RBFOX1: variants seen among roughly 807,000 people sequenced by gnomAD.
RBFOX1 encodes RNA binding protein fox-1 homolog 1.
A neutral mutation model predicts 57.7 loss-of-function variants in RBFOX1; 8 were observed. The observed-to-expected ratio is 0.14, with a 90% CI of 0.08 to 0.25. The LOEUF is 0.25. Among genes scored for constraint, RBFOX1 ranks in the 10% least tolerant of loss-of-function variants. RBFOX1 has a pLI of 1.00. For missense variants in RBFOX1, 611 were observed against 548.5 expected, an observed-to-expected ratio of 1.11 and a Z score of -1.14; for synonymous variants, 326 against 222.4, an observed-to-expected ratio of 1.47 and a Z score of -4.15.
At chr16:5,252,261 T>G (rs1168248005) in intron 1 of RBFOX1, among the ~76,000 whole-genome samples, 2 of 152,200 alleles carry the variant, frequency 1.3e-5, no homozygotes, top group Non-Finnish European at 2.9e-5. Flanking sequence ...AGCTCTAGGT[T>G]GTATTTATGC....
intron 5 of RBFOX1, among the ~76,000 whole-genome samples, chr16:7,538,444 A>ATTTATTACTTTTATTACTATTTATACTAT (rs2082071901): frequency 6.6e-6 from 1 of 152,084 alleles, no homozygotes. Context: ...TATTACTATT[A>ATTTATTACTTTTATTACTATTTATACTAT]TAGTGTTGCT....
At chr16:6,027,063 C>T (rs758650540) in intron 1 of RBFOX1, among the ~76,000 whole-genome samples, 11 of 152,154 alleles carry the variant, frequency 7.2e-5, no homozygotes, top group Non-Finnish European at 1.0e-4. Flanking sequence ...CTGCATTTCC[C>T]CAAGATGTTG....
intron 2 of RBFOX1, among the ~76,000 whole-genome samples, chr16:6,368,485 G>C (rs2534747): frequency 0.032 from 4,904 of 152,246 alleles, 264 homozygotes; most frequent in African/African-American, 0.11. Context: ...GACCTTTCCA[G>C]TTCTCTGGGT....
In RBFOX1 at chr16:6,978,323, A is replaced by T. The variant is rs374318697; in HGVS notation, c.-15-73734A>T. ...CTATGCAAGAAATTGGGATTCTTTTATCCCGGTGCTCTATTTTGGGCTGGT... is the reference window on the plus strand; with the variant it reads ...CTATGCAAGAAATTGGGATTCTTTTTTCCCGGTGCTCTATTTTGGGCTGGT... On this transcript the variant is annotated intron_variant, in intron 3 of 15. Coordinates refer to ENST00000550418, the MANE Select transcript of RBFOX1 (RefSeq NM_018723.4). Among the ~76,000 whole-genome samples the T allele has an allele frequency of 6.4e-4, 98 of 152,316 alleles. 1 individual carries two copies. In the South Asian group the frequency reaches 0.019, roughly 29 times the overall value.
chr16:6,781,344 A>G (rs975782048), intron 3 of RBFOX1, among the ~76,000 whole-genome samples: 10 of 151,858 alleles, frequency 6.6e-5, no homozygotes, highest in African/African-American at 2.4e-4. Context: ...TTTGTTGAGG[A>G]TTTTTGCATT....
At chr16:5,976,527 C>G (rs1001373153) in intron 4 of RBFOX1, among the ~76,000 whole-genome samples, 4 of 152,128 alleles carry the variant, frequency 2.6e-5, no homozygotes, top group African/African-American at 4.8e-5. Flanking sequence ...CTTAGGAATT[C>G]TAAGGTATTC....
intron 3 of RBFOX1, among the ~76,000 whole-genome samples, chr16:6,819,944 C>G (rs555385081): frequency 2.0e-5 from 3 of 152,098 alleles, no homozygotes; most frequent in African/African-American, 7.2e-5. Context: ...GTGATGTCAT[C>G]TGGTATTTTC....
At chr16:7,394,556 C>G (rs2098110191) in intron 4 of RBFOX1, among the ~76,000 whole-genome samples, 1 of 152,154 alleles carries the variant, frequency 6.6e-6, no homozygotes, top group Non-Finnish European at 1.5e-5. Flanking sequence ...TCTTGCGTTT[C>G]CATTTATCCA....
chr16:7,194,451 C>G (rs1452666834), intron 4 of RBFOX1, among the ~76,000 whole-genome samples: 1 of 152,162 alleles, frequency 6.6e-6, no homozygotes, highest in Non-Finnish European at 1.5e-5. Flanking sequence ...CGTCTAGTGA[C>G]TTTGGCAGTG....
chr16:5,955,347 AAAATAAATAAAAAT>A (rs2059611735), intron 4 of RBFOX1, among the ~76,000 whole-genome samples: 273 of 21,534 alleles, frequency 0.013, no homozygotes, highest in East Asian at 0.05. Context: ...AAAATAAAAT[AAAATAAATAAAAAT>A]AAAATAAAAT....
chr16:6,821,923 ACT>A (rs1406336219), intron 3 of RBFOX1, among the ~76,000 whole-genome samples: 7 of 152,052 alleles, frequency 4.6e-5, no homozygotes, highest in African/African-American at 1.2e-4. Context: ...CTTTGAGGAA[ACT>A]CTGTTTTTCA....
At chr16:6,643,815 G>C (rs1326029937) in intron 2 of RBFOX1, among the ~76,000 whole-genome samples, 2 of 125,400 alleles carry the variant, frequency 1.6e-5, no homozygotes, top group Non-Finnish European at 3.3e-5. Flanking sequence ...CAAAATCTGA[G>C]TCTTTGTGAA....
chr16:7,003,189 G>A (rs757060817), intron 3 of RBFOX1, among the ~76,000 whole-genome samples: 14 of 152,084 alleles, frequency 9.2e-5, no homozygotes, highest in Non-Finnish European at 1.5e-4. Flanking sequence ...GGCCAGGCAC[G>A]GTGGCTCACG....
Position 7,165,634 on chromosome 16 carries a change from G to C in RBFOX1, c.27+113536G>C, listed in dbSNP as rs571117753. ...AGTAGAGATGAAGTTTCTCCACGTT[G>C]GTCAGGCTGGTCTCAAACTCCCGAT... On this transcript the variant is annotated intron_variant, in intron 4 of 15. Coordinates refer to ENST00000550418, the MANE Select transcript of RBFOX1 (RefSeq NM_018723.4). 2.0e-5 allele frequency among the ~76,000 whole-genome samples: 3 copies of C among 151,752 alleles called. No homozygotes were observed. In the South Asian group the frequency reaches 6.3e-4, roughly 32 times the overall value.
rs75002863 is a variant in RBFOX1 at position 7,444,330 on chromosome 16, G to A, written c.28-73817G>A. The stretch of plus-strand genomic sequence containing the variant: ...CTAGGATTGTGTCAGAGTCATTGTC[G>A]TAAGATATACCTATTCAGAAGTTAG... On this transcript the variant is annotated intron_variant, in intron 4 of 15. Coordinates refer to ENST00000550418, the MANE Select transcript of RBFOX1 (RefSeq NM_018723.4). 4.1e-3 allele frequency among the ~76,000 whole-genome samples: 626 copies of A among 152,214 alleles called. 8 individuals are homozygous for A. Among genetic ancestry groups the A allele is most frequent in the African/African-American group, 0.014 (595 of 41,538 alleles).
chr16:6,702,379 C>G (rs977203138), intron 3 of RBFOX1, among the ~76,000 whole-genome samples: 1 of 152,132 alleles, frequency 6.6e-6, no homozygotes, highest in Non-Finnish European at 1.5e-5. Context: ...CATGGTGAAA[C>G]TCCATCTCTA....
intron 4 of RBFOX1, among the ~76,000 whole-genome samples, chr16:5,955,360 A>T (rs7498739): frequency 0.022 from 1,242 of 57,640 alleles, 63 homozygotes; most frequent in Admixed American, 0.037. Context: ...ATAAATAAAA[A>T]TAAAATAAAA....
intron 2 of RBFOX1, among the ~76,000 whole-genome samples, chr16:6,556,474 C>T (rs2097099671): frequency 6.6e-6 from 1 of 152,158 alleles, no homozygotes; most frequent in African/African-American, 2.4e-5. Context: ...AACATGTCGC[C>T]TCTGAGGTCT....
chr16:6,350,213 G>A (rs2086065647), intron 2 of RBFOX1, among the ~76,000 whole-genome samples: 1 of 151,990 alleles, frequency 6.6e-6, no homozygotes. Flanking sequence ...AAGGCGGGCA[G>A]ATTGCCTGAG....
Sources: gnomAD v4.1 joint callset for allele counts (sites outside exome capture counted in the v4.1 genomes callset) on GRCh38, gnomAD v4.1.1 for gene constraint, MANE v1.5 for transcripts, NCBI Gene and HGNC (gene_info 2026-07-23, HGNC 2026-07-21) for gene names.